Variants in TMEM217 observed in about 807,000 individuals in gnomAD.
TMEM217 encodes the protein chromosome 6 open reading frame 128.
For missense variants in TMEM217, 204 were observed against 248.8 expected (o/e 0.82, Z 1.21); for synonymous variants, 76 against 88.3 (o/e 0.86, Z 0.78).
chr6:37,214,382 C>T (rs1208617235), downstream of TMEM217, among the ~76,000 whole-genome samples: 1 of 152,182 alleles, frequency 6.6e-6, no homozygotes, highest in Non-Finnish European at 1.5e-5. Flanking sequence ...CGTGCGCCAG[C>T]ATGCCCAGCT....
intron 1 of TMEM217, among the ~76,000 whole-genome samples, chr6:37,220,111 C>G (rs1386993417): frequency 6.6e-6 from 1 of 151,978 alleles, no homozygotes; most frequent in Non-Finnish European, 1.5e-5. Context: ...TAAATAGAAG[C>G]GCGTAAGTCA....
intron 1 of TMEM217, among the ~76,000 whole-genome samples, chr6:37,255,492 G>A (rs1394853978): frequency 6.6e-6 from 1 of 152,090 alleles, no homozygotes; most frequent in Non-Finnish European, 1.5e-5. Context: ...GGACCAGCCT[G>A]GGCAACATGG....
At chr6:37,252,702 C>T (rs1417986495) in intron 1 of TMEM217, among the ~76,000 whole-genome samples, 3 of 144,140 alleles carry the variant, frequency 2.1e-5, no homozygotes, top group Non-Finnish European at 4.5e-5. Context: ...TGCAATGGCA[C>T]AATCTCGGCT....
At chr6:37,252,805 A>T (rs1019577393) in intron 1 of TMEM217, among the ~76,000 whole-genome samples, 13 of 151,222 alleles carry the variant, frequency 8.6e-5, no homozygotes, top group Admixed American at 8.6e-4. Flanking sequence ...CACTCCACTA[A>T]TTTTTTGTAT....
rs556669739 is a variant in TMEM217, at chr6:37,250,878, G to A, written c.-12+6690C>T. Among the ~76,000 whole-genome samples the A allele has an allele frequency of 8.7e-4, 132 of 152,344 alleles. 2 individuals carry two copies. The highest frequency in any genetic ancestry group is 2.1e-4 in the South Asian group (1 of 4,830). On this transcript the variant is annotated intron_variant, in intron 1 of 1. Coordinates refer to ENST00000357219, the Ensembl canonical transcript of TMEM217. The stretch of plus-strand genomic sequence containing the variant: ...ACTCACTAGTAGTTGATGCTATGGA[G>A]TGTTTGTGTCCTCTCAAAATTGGAT...
chr6:37,213,748 C>T (rs554253852), downstream of TMEM217, among the ~76,000 whole-genome samples: 3 of 152,372 alleles, frequency 2.0e-5, no homozygotes, highest in East Asian at 3.9e-4. Context: ...TAATGGGGGA[C>T]CTAAGGCTGG....
intron 1 of TMEM217, among the ~76,000 whole-genome samples, chr6:37,226,056 C>T (rs1248240891): frequency 6.6e-6 from 1 of 152,088 alleles, no homozygotes; most frequent in Non-Finnish European, 1.5e-5. Context: ...ACCTAAACTT[C>T]TTTATTGACG....
At chr6:37,218,169 C>CTTTT (rs11404339) in exon 2 of TMEM217, 23 of 1,014,250 alleles carry the variant, frequency 2.3e-5, no homozygotes, top group South Asian at 2.0e-4. Context: ...AAGCTGCTAA[C>CTTTT]TTTTTTTTTT....
intron 1 of TMEM217, among the ~76,000 whole-genome samples, chr6:37,251,728 G>C (rs1328956742): frequency 6.6e-6 from 1 of 152,216 alleles, no homozygotes; most frequent in African/African-American, 2.4e-5. Context: ...AATGAGATCA[G>C]AGAGGAACAA....
intron 1 of TMEM217, among the ~76,000 whole-genome samples, chr6:37,239,309 C>A (rs1380718599): frequency 6.6e-6 from 1 of 151,348 alleles, no homozygotes; most frequent in Admixed American, 6.6e-5. Context: ...GGCAAGATGG[C>A]AAAAACCCAT....
chr6:37,257,821 G>C, exon 1 of TMEM217: 1 of 1,390,622 alleles, frequency 7.2e-7, no homozygotes, highest in East Asian at 2.5e-5. Context: ...CCGGCGGCGG[G>C]GAAGCGGCCT....
At chr6:37,225,581 C>T (rs191271535) in intron 1 of TMEM217, among the ~76,000 whole-genome samples, 1 of 152,302 alleles carries the variant, frequency 6.6e-6, no homozygotes, top group African/African-American at 2.4e-5. Flanking sequence ...GTGTTCATTG[C>T]CTCCCATCCA....
chr6:37,257,812 C>A, exon 1 of TMEM217: 1 of 1,291,850 alleles, frequency 7.7e-7, no homozygotes, highest in South Asian at 1.4e-5. Context: ...AGCGGGTGAC[C>A]GGCGGCGGGG....
exon 1 of TMEM217, chr6:37,257,966 C>T (rs987216881): frequency 6.2e-7 from 1 of 1,614,000 alleles, no homozygotes; most frequent in South Asian, 1.1e-5. Context: ...CGCTAAGCTG[C>T]CGGGGAGGTG....
At chr6:37,219,125 C>G in intron 1 of TMEM217, 84 bp from the exon 2 acceptor site, 2 of 1,236,944 alleles carry the variant, frequency 1.6e-6, no homozygotes, top group South Asian at 1.4e-5. Context: ...TTCCCCAAAT[C>G]TACTTTGGAG....
chr6:37,243,982 T>A, intron 1 of TMEM217, among the ~76,000 whole-genome samples: 1 of 152,194 alleles, frequency 6.6e-6, no homozygotes, highest in East Asian at 1.9e-4. Context: ...AAAAGGCCAA[T>A]CTTAGGTTCT....
At chr6:37,225,411 G>A (rs990681601) in intron 1 of TMEM217, among the ~76,000 whole-genome samples, 1 of 151,960 alleles carries the variant, frequency 6.6e-6, no homozygotes, top group East Asian at 1.9e-4. Flanking sequence ...ACAAAAGTGG[G>A]CCATGCATGT....
chr6:37,241,176 G>A (rs557536949), intron 1 of TMEM217, among the ~76,000 whole-genome samples: 3 of 147,414 alleles, frequency 2.0e-5, no homozygotes, highest in African/African-American at 7.6e-5. Flanking sequence ...TTGGCTCACT[G>A]CACCTTTGAC....
chr6:37,246,521 C>T (rs1765092363), intron 1 of TMEM217, among the ~76,000 whole-genome samples: 2 of 152,146 alleles, frequency 1.3e-5, no homozygotes, highest in Admixed American at 1.3e-4. Context: ...GAGTGAAAAA[C>T]TGACAATAAT....
Sources: allele counts gnomAD v4.1 joint callset (sites outside exome capture counted in the v4.1 genomes callset), GRCh38; gene constraint gnomAD v4.1.1; transcripts MANE v1.5; gene names NCBI Gene and HGNC (gene_info 2026-07-23, HGNC 2026-07-21).